The following GSE1 variants were observed in gnomAD, a reference collection of about 807,000 sequenced individuals.
GSE1 encodes the protein genetic suppressor element 1.
GSE1 carries 32 observed loss-of-function variants against 112.6 expected under a neutral mutation model. That is an observed-to-expected ratio of 0.28 (90% confidence interval 0.21 to 0.38). GSE1 has a LOEUF of 0.38. GSE1 is among the 10% of genes least tolerant of loss of function. GSE1 has a pLI of 1.00. For synonymous variants in GSE1, 1,115 were observed against 735.6 expected (o/e 1.52, Z -8.35); for missense variants, 2,348 against 1,699.2 (o/e 1.38, Z -6.71).
intron 1 of GSE1, among the ~76,000 whole-genome samples, chr16:85,599,902 A>G (rs958916358): frequency 6.6e-6 from 1 of 152,154 alleles, no homozygotes; most frequent in Non-Finnish European, 1.5e-5. Context: ...TGGAAGACAG[A>G]TGAGGCTGTC....
chr16:85,455,121 C>T (rs1446347172), intron 2 of GSE1, among the ~76,000 whole-genome samples: 1 of 152,210 alleles, frequency 6.6e-6, no homozygotes, highest in African/African-American at 2.4e-5. Context: ...CAGCGCCCTG[C>T]GGCTGCAATA....
rs533149593 is a variant in GSE1 at position 85,240,594 on chromosome 16, T to A, written c.2283+68787T>A. Among the ~76,000 whole-genome samples the A allele has an allele frequency of 2.0e-3, 298 of 152,310 alleles. 1 individual carries two copies. Among genetic ancestry groups the A allele is most frequent in the African/African-American group, 7.0e-3 (290 of 41,574 alleles). Reference sequence around the variant, plus strand: ...CCTGGAGTGAGGGGAAGATGGTAGTTCCCGCTGCTAGGGGTCTCCCAGACT... The same window carrying A: ...CCTGGAGTGAGGGGAAGATGGTAGTACCCGCTGCTAGGGGTCTCCCAGACT... On this transcript the variant is annotated intron_variant, in intron 1 of 2. Coordinates refer to the GSE1 transcript ENST00000637419.
intron 2 of GSE1, among the ~76,000 whole-genome samples, chr16:85,498,581 A>C (rs2051259347): frequency 6.6e-6 from 1 of 152,036 alleles, no homozygotes; most frequent in Non-Finnish European, 1.5e-5. Flanking sequence ...CATACCTTAC[A>C]TATATATAAA....
At chr16:85,416,966 C>T (rs1250576251) in intron 2 of GSE1, among the ~76,000 whole-genome samples, 3 of 149,920 alleles carry the variant, frequency 2.0e-5, no homozygotes, top group African/African-American at 7.2e-5. Flanking sequence ...GTCATCCTCC[C>T]ATCTCAGCCT....
At position 85,648,697 on chromosome 16, in the gene GSE1, G is replaced by A. The variant is rs2051087065; in HGVS notation, c.372G>A (p.Val124=). The change falls in exon 3 of 16, where the codon GTG becomes GTA. Residue 124 remains valine, a synonymous_variant. Coordinates refer to ENST00000253458, the MANE Select transcript of GSE1 (RefSeq NM_014615.5). ...GHSVPSTPPV[V]TIAPTKTVNG... ...GCGTGCCCAGCACCCCCCCCGTGGTGACCATCGCTCCAACCAAAACCGTGA... is the reference window on the plus strand; with the variant it reads ...GCGTGCCCAGCACCCCCCCCGTGGTAACCATCGCTCCAACCAAAACCGTGA... 1.2e-6 allele frequency: 2 copies of A among 1,608,948 alleles called. No homozygotes were observed. The highest frequency in any genetic ancestry group is 1.7e-6 in the Non-Finnish European group (2 of 1,177,968).
intron 1 of GSE1, among the ~76,000 whole-genome samples, chr16:85,564,144 G>A (rs1379814786): frequency 1.3e-5 from 2 of 152,228 alleles, no homozygotes; most frequent in Non-Finnish European, 2.9e-5. Flanking sequence ...GATTGCTCTG[G>A]AAACTCTTAG....
At chr16:85,342,313 T>C (rs1164010812) in intron 1 of GSE1, among the ~76,000 whole-genome samples, 1 of 152,232 alleles carries the variant, frequency 6.6e-6, no homozygotes, top group East Asian at 1.9e-4. Context: ...CTGAAGAATT[T>C]CCCTGTAGCT....
Position 85,657,477 on chromosome 16 carries a change from C to T in GSE1, c.1513C>T (p.Arg505Trp), listed in dbSNP as rs778317112. The stretch of plus-strand genomic sequence containing the variant: ...GTGGCTGGCGCGGCAGCGGCGGCTG[C>T]GGCAGGAGAAGGAGGACCGGCAGTC... ...EKWLARQRRLRQEKEDRQSQV... is the reference protein window; with the variant it reads ...EKWLARQRRLWQEKEDRQSQV... Residue 505 changes from arginine (R) to tryptophan (W), a missense_variant, in exon 8 of 16, where the codon CGG (arginine) becomes TGG (tryptophan). By Grantham distance (101) the Arg-to-Trp change is moderately radical (BLOSUM62 -3). Coordinates refer to ENST00000253458, the MANE Select transcript of GSE1 (RefSeq NM_014615.5). 12 of 1,607,322 alleles carry T rather than the reference C, an allele frequency of 7.5e-6. No homozygotes were observed. Among genetic ancestry groups the T allele is most frequent in the Middle Eastern group, 1.7e-4 (1 of 6,038 alleles).
In GSE1 at chr16:85,459,740, G is replaced by A. The variant is rs74585202; in HGVS notation, c.2464+102097G>A. Among the ~76,000 whole-genome samples the A allele has an allele frequency of 8.2e-3, 1,251 of 152,312 alleles. 13 individuals carry two copies. The highest frequency in any genetic ancestry group is 0.029 in the African/African-American group (1,203 of 41,556). ...TATATTGAGGCCCTGAAAGTTACGT[G>A]GCCTCGGGCAAGTCACTGTTAAGAC... is the stretch of plus-strand genomic sequence containing the variant. On this transcript the variant is annotated intron_variant, in intron 2 of 2. Transcript: ENST00000637419.
At chr16:85,273,185 C>T (rs949752335) in intron 1 of GSE1, among the ~76,000 whole-genome samples, 4 of 152,154 alleles carry the variant, frequency 2.6e-5, no homozygotes, top group African/African-American at 7.2e-5. Flanking sequence ...TTGGCCTCTC[C>T]GGGCCCTGGT....
chr16:85,273,401 C>G (rs147984645), intron 1 of GSE1, among the ~76,000 whole-genome samples: 198 of 152,370 alleles, frequency 1.3e-3, no homozygotes, highest in African/African-American at 4.5e-3. Context: ...GGTGGAAACA[C>G]CTCATGTGTC....
chr16:85,380,334 G>A (rs1265001534), intron 2 of GSE1, among the ~76,000 whole-genome samples: 1 of 152,196 alleles, frequency 6.6e-6, no homozygotes, highest in African/African-American at 2.4e-5. Flanking sequence ...ACAAGTCCAA[G>A]AGGGGAGGAG....
rs773098939 is a variant in GSE1 at position 85,648,535 on chromosome 16, C to T, written c.227-17C>T. 50 of 1,437,418 alleles carry T rather than the reference C, an allele frequency of 3.5e-5. No individual in the cohort carries two copies. The highest frequency in any genetic ancestry group is 4.5e-5 in the Non-Finnish European group (48 of 1,068,282). 89.0% of individuals were successfully genotyped at this position (1,437,418 alleles called of 1,614,324 possible). On this transcript the variant is annotated splice_polypyrimidine_tract_variant and intron_variant, in intron 2 of 15. Coordinates refer to ENST00000253458, the MANE Select transcript of GSE1 (RefSeq NM_014615.5). Reference sequence around the variant, plus strand: ...TCACTGCGGCTCCCACTCAGGCCACCGTCTTCTCCTCCACAGGGTCCTCAC... The same window carrying T: ...TCACTGCGGCTCCCACTCAGGCCACTGTCTTCTCCTCCACAGGGTCCTCAC...
rs765961888 is a variant in GSE1, at chr16:85,634,093, G to A, written c.187G>A (p.Ala63Thr). The A allele has an allele frequency of 3.8e-6, 6 of 1,588,402 alleles. No homozygotes were observed. The highest frequency in any genetic ancestry group is 2.3e-5 in the East Asian group (1 of 44,060). Residue 63 changes from alanine to threonine, a missense_variant, in exon 2 of 16, where the codon GCG becomes ACG. Ala to Thr is a moderately conservative substitution (Grantham distance 58). Transcript: ENST00000253458. ...CGCGCCATCCTCCAGCTTTGCCGCCGCGCTGCGCAAGCTCGCCAAACAGGC... is the reference window on the plus strand; with the variant it reads ...CGCGCCATCCTCCAGCTTTGCCGCCACGCTGCGCAAGCTCGCCAAACAGGC... ...QAAPSSSFAAALRKLAKQAEE... is the reference protein window; with the variant it reads ...QAAPSSSFAATLRKLAKQAEE...
intron 10 of GSE1, 31 bp downstream of exon 10, chr16:85,663,124 C>T (rs756660430): frequency 1.4e-6 from 2 of 1,447,766 alleles, no homozygotes; most frequent in South Asian, 1.1e-5. Flanking sequence ...CGGACATGCT[C>T]TGGGCTGGGC....
intron 1 of GSE1, among the ~76,000 whole-genome samples, chr16:85,313,521 C>T (rs1163728576): frequency 1.3e-5 from 2 of 152,120 alleles, no homozygotes; most frequent in Non-Finnish European, 2.9e-5. Context: ...AATATTACCA[C>T]CCCCCACCCC....
intron 2 of GSE1, among the ~76,000 whole-genome samples, chr16:85,548,437 C>T (rs758317729): frequency 4.0e-5 from 6 of 151,732 alleles, no homozygotes; most frequent in South Asian, 2.1e-4. Flanking sequence ...TCTGCCCTCC[C>T]GCCTCTGTCA....
At chr16:85,495,283 G>A (rs1029000558) in intron 2 of GSE1, among the ~76,000 whole-genome samples, 1 of 152,038 alleles carries the variant, frequency 6.6e-6, no homozygotes. Context: ...AGGGTGGTGT[G>A]GGGGCGAGGA....
intron 14 of GSE1, 66 bp from the exon 15 acceptor site, chr16:85,670,929 A>G: frequency 1.0e-6 from 1 of 967,652 alleles, no homozygotes; most frequent in East Asian, 2.4e-5. Flanking sequence ...TGTGAAGAGG[A>G]GAGCACAAAG....
Sources: allele counts gnomAD v4.1 joint callset (sites outside exome capture counted in the v4.1 genomes callset), GRCh38; gene constraint gnomAD v4.1.1; transcripts MANE v1.5; gene names NCBI Gene and HGNC (gene_info 2026-07-23, HGNC 2026-07-21).